PITPNC1: variants seen among roughly 807,000 people sequenced by gnomAD.
PITPNC1 encodes cytoplasmic phosphatidylinositol transfer protein 1.
Under a neutral mutation model 44.7 loss-of-function variants are expected in PITPNC1, and 18 were observed. That is an observed-to-expected ratio of 0.40 (90% CI 0.28 to 0.60). The LOEUF (loss-of-function observed/expected upper bound fraction) is 0.60. PITPNC1 is among the 20% of genes least tolerant of loss of function. PITPNC1 has a pLI of 0.39. For synonymous variants in PITPNC1, 141 were observed against 149.6 expected (o/e 0.94, Z 0.42); for missense variants, 290 against 418.4 (o/e 0.69, Z 2.68).
intron 5 of PITPNC1, among the ~76,000 whole-genome samples, chr17:67,619,753 G>A (rs1425710896): frequency 7.1e-6 from 1 of 141,744 alleles, no homozygotes; most frequent in African/African-American, 2.6e-5. Flanking sequence ...CCCCCACCCA[G>A]TGCCATCTGC....
At chr17:67,551,644 T>C (rs2040765001) in intron 2 of PITPNC1, among the ~76,000 whole-genome samples, 1 of 152,204 alleles carries the variant, frequency 6.6e-6, no homozygotes, top group African/African-American at 2.4e-5. Context: ...TTGTGATCTT[T>C]AAATTAATTA....
At chr17:67,626,572 G>A (rs1274646818) in intron 5 of PITPNC1, among the ~76,000 whole-genome samples, 2 of 152,078 alleles carry the variant, frequency 1.3e-5, no homozygotes, top group Non-Finnish European at 2.9e-5. Context: ...GTTTCACCAT[G>A]TTGGCCAGGC....
At position 67,696,895 on chromosome 17, in the gene PITPNC1, C is replaced by T. The variant is rs887887257; in HGVS notation, c.*4007C>T. The T allele has an allele frequency of 6.6e-6, 1 of 152,158 alleles. No individual in the cohort carries two copies. The highest frequency in any genetic ancestry group is 1.5e-5 in the Non-Finnish European group (1 of 68,028). The allele number at this position is 152,158 out of a possible 1,614,324, so 9.4% of individuals were successfully genotyped here. A position where few individuals can be genotyped will look rare whatever the true frequency, so the allele number is the denominator to read the frequency against. On this transcript the variant is annotated 3_prime_UTR_variant, in exon 9 of 9. Transcript: ENST00000581322. ...GATGTTTTTTGCTTTAAATTGAAAG[C>T]ATGTCTGTCAAATTGCAAGTCTCCC...
At chr17:67,392,678 A>AGGG (rs2038155816) in intron 1 of PITPNC1, among the ~76,000 whole-genome samples, 1 of 152,222 alleles carries the variant, frequency 6.6e-6, no homozygotes, top group Non-Finnish European at 1.5e-5. Context: ...TAGATTCCCC[A>AGGG]GGGGAGAGTC....
intron 1 of PITPNC1, chr17:67,379,211 GAA>G: frequency 1.0e-6 from 1 of 985,876 alleles, no homozygotes; most frequent in East Asian, 1.1e-4. Flanking sequence ...CAACACACAT[GAA>G]ATCAGCCACC....
At chr17:67,381,855 C>G (rs1005954746) in intron 1 of PITPNC1, among the ~76,000 whole-genome samples, 1 of 152,220 alleles carries the variant, frequency 6.6e-6, no homozygotes, top group African/African-American at 2.4e-5. Context: ...AGAACCCACA[C>G]TTTGCCTGCT....
intron 1 of PITPNC1, among the ~76,000 whole-genome samples, chr17:67,503,501 C>T (rs2040062833): frequency 6.6e-6 from 1 of 152,118 alleles, no homozygotes; most frequent in African/African-American, 2.4e-5. Flanking sequence ...AACTTCTCTG[C>T]AGCCCTTGTA....
intron 1 of PITPNC1, among the ~76,000 whole-genome samples, chr17:67,470,271 C>G (rs1275350435): frequency 6.6e-6 from 1 of 152,158 alleles, no homozygotes; most frequent in East Asian, 1.9e-4. Context: ...AAGTGTACAG[C>G]TTGATGAGTT....
chr17:67,425,184 T>TGTGC (rs1491217479), intron 1 of PITPNC1, among the ~76,000 whole-genome samples: 5 of 76,248 alleles, frequency 6.6e-5, no homozygotes, highest in East Asian at 4.5e-4. Flanking sequence ...ACAGCCATGT[T>TGTGC]GTGCGCGCGC....
At chr17:67,427,377 AT>A (rs1207737601) in intron 1 of PITPNC1, among the ~76,000 whole-genome samples, 1 of 151,564 alleles carries the variant, frequency 6.6e-6, no homozygotes, top group African/African-American at 2.4e-5. Context: ...CGCCCGGCTA[AT>A]TTTTTTTGTA....
chr17:67,584,512 C>A (rs540869466), intron 5 of PITPNC1, among the ~76,000 whole-genome samples: 1 of 151,904 alleles, frequency 6.6e-6, no homozygotes, highest in South Asian at 2.1e-4. Flanking sequence ...CCAGTTATCA[C>A]CATAAGCCTA....
intron 5 of PITPNC1, among the ~76,000 whole-genome samples, chr17:67,630,977 G>A (rs575146547): frequency 3.5e-4 from 53 of 151,648 alleles, no homozygotes; most frequent in African/African-American, 1.0e-3. Context: ...CTCCCAAAGC[G>A]CTGCGATTAC....
chr17:67,519,181 T>G (rs1023931634), intron 1 of PITPNC1, among the ~76,000 whole-genome samples: 1 of 145,388 alleles, frequency 6.9e-6, no homozygotes, highest in Admixed American at 6.9e-5. Flanking sequence ...GTTTTTTTTT[T>G]TTTTTTTTTT....
intron 5 of PITPNC1, among the ~76,000 whole-genome samples, chr17:67,605,034 G>C (rs1232303877): frequency 6.6e-6 from 1 of 151,418 alleles, no homozygotes; most frequent in South Asian, 2.1e-4. Context: ...AGCCGAAATC[G>C]CGCCATTGCA....
intron 6 of PITPNC1, among the ~76,000 whole-genome samples, chr17:67,637,226 C>A (rs1164559015): frequency 1.3e-5 from 2 of 152,150 alleles, no homozygotes; most frequent in African/African-American, 4.8e-5. Flanking sequence ...AATTTCAGAG[C>A]AACCGCTATC....
At chr17:67,575,811 T>C (rs201802587) in intron 4 of PITPNC1, among the ~76,000 whole-genome samples, 276 of 87,198 alleles carry the variant, frequency 3.2e-3, no homozygotes, top group African/African-American at 7.5e-3. Flanking sequence ...TCTTTCTTTC[T>C]TTCTTTCTTT....
chr17:67,403,613 A>G (rs1327065322), intron 1 of PITPNC1, among the ~76,000 whole-genome samples: 5 of 152,228 alleles, frequency 3.3e-5, no homozygotes, highest in Admixed American at 6.5e-5. Flanking sequence ...TCTCATTTCA[A>G]TTTTGCAGTT....
chr17:67,653,897 G>C (rs2042235582), intron 6 of PITPNC1, among the ~76,000 whole-genome samples: 1 of 152,202 alleles, frequency 6.6e-6, no homozygotes, highest in African/African-American at 2.4e-5. Flanking sequence ...GAGCTTGTAA[G>C]TCACCTTTAA....
At chr17:67,379,095 A>G (rs2143771197) in intron 1 of PITPNC1, 8 of 985,606 alleles carry the variant, frequency 8.1e-6, no homozygotes, top group Middle Eastern at 5.2e-4. Context: ...CTTCCTCCCC[A>G]CCTTTGTGGT....
Sources: gnomAD v4.1 joint callset for allele counts (sites outside exome capture counted in the v4.1 genomes callset) on GRCh38, gnomAD v4.1.1 for gene constraint, MANE v1.5 for transcripts, NCBI Gene and HGNC (gene_info 2026-07-23, HGNC 2026-07-21) for gene names.